The following KCNMB3 variants were observed in gnomAD, a reference collection of about 807,000 sequenced individuals.
The protein encoded by KCNMB3 is calcium-activated potassium channel subunit beta-3.
In KCNMB3, 18 loss-of-function variants were observed where a neutral mutation model predicts 11.9. That is an observed-to-expected ratio of 1.51 (90% CI 1.04 to 2.23). KCNMB3 has a LOEUF of 2.23. Among genes scored for constraint, KCNMB3 ranks in the 30% most tolerant of loss-of-function variants. The pLI is 0.00. For missense variants in KCNMB3, 247 were observed against 329.4 expected (o/e 0.75, Z 1.94); for synonymous variants, 78 against 119.2 (o/e 0.65, Z 2.25).
At chr3:179,258,975 C>T in intron 1 of KCNMB3, 1 of 1,614,152 alleles carries the variant, frequency 6.2e-7, no homozygotes, top group Non-Finnish European at 8.5e-7. Context: ...AAGAGCCCCT[C>T]ACACTCAGAC....
At chr3:179,265,395 T>A (rs1726345204) in intron 1 of KCNMB3, among the ~76,000 whole-genome samples, 1 of 152,196 alleles carries the variant, frequency 6.6e-6, no homozygotes, top group African/African-American at 2.4e-5. Context: ...CTAGAGCCAA[T>A]AATAAATCAT....
intron 1 of KCNMB3, among the ~76,000 whole-genome samples, chr3:179,258,070 G>C (rs1022663143): frequency 6.6e-6 from 1 of 152,044 alleles, no homozygotes; most frequent in Admixed American, 6.6e-5. Flanking sequence ...ATTTTTCGTA[G>C]AGACAGGGTT....
chr3:179,251,745 T>A, upstream of KCNMB3: 1 of 827,010 alleles, frequency 1.2e-6, no homozygotes, highest in Non-Finnish European at 1.6e-6. Flanking sequence ...TGGTTTTTTT[T>A]GAGACGGAAC....
chr3:179,261,338 CG>C (rs1726203405), intron 1 of KCNMB3: 1 of 1,177,716 alleles, frequency 8.5e-7, no homozygotes, highest in African/African-American at 1.6e-5. Context: ...AGCCCCCCCC[CG>C]CGGGCCGGGC....
At chr3:179,249,304 C>T (rs1339470324) in intron 1 of KCNMB3, among the ~76,000 whole-genome samples, 4 of 148,180 alleles carry the variant, frequency 2.7e-5, no homozygotes, top group Non-Finnish European at 5.9e-5. Context: ...TGAGCCACCG[C>T]GCCTGGCCCA....
intron 1 of KCNMB3, chr3:179,259,756 C>A: frequency 6.2e-7 from 1 of 1,601,384 alleles, no homozygotes; most frequent in South Asian, 1.1e-5. Context: ...TGCAATGAGT[C>A]CAATGCCTCT....
upstream of KCNMB3, among the ~76,000 whole-genome samples, chr3:179,253,903 G>T (rs1725930109): frequency 6.6e-6 from 1 of 152,044 alleles, no homozygotes; most frequent in Admixed American, 6.5e-5. Flanking sequence ...TGTTTCAGTG[G>T]TATGGTACAC....
chr3:179,246,823 A>C (rs1040228875), intron 1 of KCNMB3, among the ~76,000 whole-genome samples: 2 of 152,216 alleles, frequency 1.3e-5, no homozygotes, highest in Non-Finnish European at 2.9e-5. Context: ...AGAAAGCTTC[A>C]AAATAGAGTG....
At chr3:179,256,719 A>T (rs1726022316) in intron 1 of KCNMB3, among the ~76,000 whole-genome samples, 1 of 151,692 alleles carries the variant, frequency 6.6e-6, no homozygotes, top group Non-Finnish European at 1.5e-5. Context: ...AAGGGAAAAA[A>T]ATCAATCCAA....
At chr3:179,262,546 G>C (rs768804031) in intron 1 of KCNMB3, among the ~76,000 whole-genome samples, 2 of 152,226 alleles carry the variant, frequency 1.3e-5, no homozygotes, top group African/African-American at 4.8e-5. Context: ...CCTCCACAGC[G>C]TGGAAAGGGA....
intron 1 of KCNMB3, among the ~76,000 whole-genome samples, chr3:179,246,241 G>A (rs1301055601): frequency 2.0e-5 from 3 of 152,050 alleles, no homozygotes; most frequent in East Asian, 1.9e-4. Context: ...GCGAAACCAC[G>A]TCTTCACTGA....
upstream of KCNMB3, among the ~76,000 whole-genome samples, chr3:179,255,447 A>G (rs538013675): frequency 3.3e-5 from 5 of 152,286 alleles, no homozygotes; most frequent in South Asian, 1.0e-3. Context: ...TAAAAATTTA[A>G]TGAACAGACA....
At chr3:179,248,933 G>A (rs1344718646) in intron 1 of KCNMB3, among the ~76,000 whole-genome samples, 2 of 151,262 alleles carry the variant, frequency 1.3e-5, no homozygotes, top group Non-Finnish European at 2.9e-5. Flanking sequence ...GACTGCTTGA[G>A]CCCAGGAGTT....
chr3:179,250,295 C>A (rs1725790590), intron 1 of KCNMB3, among the ~76,000 whole-genome samples: 2 of 152,150 alleles, frequency 1.3e-5, no homozygotes, highest in South Asian at 4.1e-4. Context: ...GAATAAAGAA[C>A]CTAATTAAAA....
chr3:179,251,189 T>G, upstream of KCNMB3: 1 of 1,599,664 alleles, frequency 6.3e-7, no homozygotes, highest in Non-Finnish European at 8.5e-7. Context: ...CATGCAAGTC[T>G]GTAGAGATCT....
intron 1 of KCNMB3, chr3:179,261,334 C>G (rs113171646): frequency 5.8e-5 from 68 of 1,182,278 alleles, no homozygotes; most frequent in African/African-American, 1.8e-4. Context: ...CCGGAGCCCC[C>G]CCCCGCGGGC....
chr3:179,246,540 G>A (rs1173852435), intron 1 of KCNMB3, among the ~76,000 whole-genome samples: 1 of 152,136 alleles, frequency 6.6e-6, no homozygotes, highest in Non-Finnish European at 1.5e-5. Flanking sequence ...ACACTGTGCA[G>A]TTTAACATGG....
At chr3:179,259,010 T>A in intron 1 of KCNMB3, 1 of 1,614,190 alleles carries the variant, frequency 6.2e-7, no homozygotes, top group South Asian at 1.1e-5. Context: ...GCCTGCCGCC[T>A]GCCTCAGCTT....
chr3:179,265,935 A>G (rs1726360220), intron 1 of KCNMB3, among the ~76,000 whole-genome samples: 1 of 152,154 alleles, frequency 6.6e-6, no homozygotes, highest in Non-Finnish European at 1.5e-5. Flanking sequence ...GGGTCCTGAA[A>G]ATAATCTCTC....
Sources: gnomAD v4.1 joint callset for allele counts (sites outside exome capture counted in the v4.1 genomes callset) on GRCh38, gnomAD v4.1.1 for gene constraint, MANE v1.5 for transcripts, NCBI Gene and HGNC (gene_info 2026-07-23, HGNC 2026-07-21) for gene names.